HAAO: variants seen among roughly 807,000 people sequenced by gnomAD.
HAAO encodes 3-hydroxyanthranilate oxygenase.
In HAAO, 49 loss-of-function variants were observed where a neutral mutation model predicts 46.2. The observed-to-expected ratio is 1.06, with a 90% CI of 0.84 to 1.34. The LOEUF is 1.34. HAAO is among the 40% of genes most tolerant of loss of function. The pLI is 0.00. For missense variants in HAAO, 408 were observed against 364.5 expected, an observed-to-expected ratio of 1.12 and a Z score of -0.97; for synonymous variants, 157 against 145.2, an observed-to-expected ratio of 1.08 and a Z score of -0.58.
At chr2:42,789,669 G>A (rs1353176846) in intron 1 of HAAO, among the ~76,000 whole-genome samples, 1 of 152,190 alleles carries the variant, frequency 6.6e-6, no homozygotes, top group Non-Finnish European at 1.5e-5. Flanking sequence ...GACTGAACCT[G>A]AGCCAGGTCT....
chr2:42,790,826 C>G (rs1346271563), intron 1 of HAAO, among the ~76,000 whole-genome samples: 1 of 152,154 alleles, frequency 6.6e-6, no homozygotes, highest in Non-Finnish European at 1.5e-5. Flanking sequence ...GCCACTGCGC[C>G]CGGCTTGAAA....
chr2:42,774,697 A>C (rs923794247), intron 4 of HAAO, among the ~76,000 whole-genome samples: 3 of 152,148 alleles, frequency 2.0e-5, no homozygotes, highest in African/African-American at 4.8e-5. Flanking sequence ...TTTTGGCTAA[A>C]GTTAACAATC....
chr2:42,785,189 A>G (rs933951167), intron 2 of HAAO, among the ~76,000 whole-genome samples: 4 of 152,190 alleles, frequency 2.6e-5, no homozygotes, highest in East Asian at 1.9e-4. Flanking sequence ...TGCTTTACAC[A>G]TATGTGCTCA....
chr2:42,781,862 G>C (rs903304704), intron 4 of HAAO, among the ~76,000 whole-genome samples: 1 of 148,322 alleles, frequency 6.7e-6, no homozygotes, highest in Non-Finnish European at 1.5e-5. Context: ...CAACAAGAGT[G>C]AAACTTTGTC....
intron 4 of HAAO, among the ~76,000 whole-genome samples, chr2:42,779,279 T>A (rs1671814090): frequency 6.6e-6 from 1 of 152,176 alleles, no homozygotes; most frequent in African/African-American, 2.4e-5. Context: ...GGAAATTATA[T>A]CTTATGGTCA....
chr2:42,778,137 C>T (rs967246570), intron 4 of HAAO, among the ~76,000 whole-genome samples: 9 of 145,008 alleles, frequency 6.2e-5, no homozygotes, highest in Non-Finnish European at 1.2e-4. Flanking sequence ...AAAAAAAAAA[C>T]CCAAAAACTT....
At chr2:42,770,431 G>T in intron 5 of HAAO, 62 bp downstream of exon 5, 1 of 1,207,224 alleles carries the variant, frequency 8.3e-7, no homozygotes, top group Non-Finnish European at 1.2e-6. Context: ...TTCTCCCAGG[G>T]CATCAGGTGC....
At chr2:42,791,757 TG>T (rs1376347205) in intron 1 of HAAO, among the ~76,000 whole-genome samples, 1 of 152,126 alleles carries the variant, frequency 6.6e-6, no homozygotes, top group Non-Finnish European at 1.5e-5. Flanking sequence ...TTGATCTAGC[TG>T]GCATGTGGGG....
intron 2 of HAAO, among the ~76,000 whole-genome samples, chr2:42,787,631 T>A (rs189397417): frequency 6.6e-6 from 1 of 152,090 alleles, no homozygotes; most frequent in Non-Finnish European, 1.5e-5. Context: ...CAGCAAATAT[T>A]TATTGAACAA....
chr2:42,781,771 A>G (rs11896150), intron 4 of HAAO, among the ~76,000 whole-genome samples: 57,297 of 151,938 alleles, frequency 0.38, 11,939 homozygotes, highest in African/African-American at 0.53. Context: ...CTACTCAAGA[A>G]GTTAAGGCAG....
At chr2:42,783,889 T>A in intron 2 of HAAO, 22 bp from the exon 3 acceptor site, 1 of 1,597,016 alleles carries the variant, frequency 6.3e-7, no homozygotes, top group South Asian at 1.1e-5. Context: ...GAGAGAGGCT[T>A]GGACCCTCCG....
At chr2:42,782,278 T>C (rs1208047036) in intron 4 of HAAO, among the ~76,000 whole-genome samples, 1 of 152,222 alleles carries the variant, frequency 6.6e-6, no homozygotes, top group Non-Finnish European at 1.5e-5. Flanking sequence ...TAAGCCACTT[T>C]CATACTTGCC....
rs1368882960 is a variant in HAAO at position 42,769,606 on chromosome 2, AGT to A, written c.630+105_630+106del. On this transcript the variant is annotated intron_variant, in intron 7 of 9. Coordinates refer to ENST00000294973, the MANE Select transcript of HAAO (RefSeq NM_012205.3). Reference sequence around the variant, plus strand: ...GTGTGTGTGTGTGTGTGTGTGTGTGAGTGTGTGTGTGAAAGAGAGAGAGAGAG... The same window carrying A: ...GTGTGTGTGTGTGTGTGTGTGTGTGAGTGTGTGTGAAAGAGAGAGAGAGAG... The A allele has an allele frequency of 5.5e-5, 36 of 660,374 alleles. 1 individual carries two copies. The highest frequency in any genetic ancestry group is 2.9e-4 in the Middle Eastern group (1 of 3,452). 40.9% of individuals were successfully genotyped at this position (660,374 alleles called of 1,614,324 possible).
At chr2:42,791,944 G>C (rs1229489339) in intron 1 of HAAO, among the ~76,000 whole-genome samples, 1 of 151,764 alleles carries the variant, frequency 6.6e-6, no homozygotes, top group Non-Finnish European at 1.5e-5. Context: ...GTGTGTGTTC[G>C]TGCACACCTG....
chr2:42,773,747 C>T (rs1488615080), intron 4 of HAAO, among the ~76,000 whole-genome samples: 9 of 152,110 alleles, frequency 5.9e-5, no homozygotes, highest in Admixed American at 1.3e-4. Flanking sequence ...CCACCACGCC[C>T]GACTAATTTT....
chr2:42,790,553 G>T (rs1288262637), intron 1 of HAAO, among the ~76,000 whole-genome samples: 3 of 119,354 alleles, frequency 2.5e-5, no homozygotes, highest in African/African-American at 9.9e-5. Flanking sequence ...TTTTTTTTCA[G>T]ATAGAGTCTT....
At chr2:42,783,110 G>A in intron 4 of HAAO, 1 of 586,762 alleles carries the variant, frequency 1.7e-6, no homozygotes, top group Non-Finnish European at 3.0e-6. Flanking sequence ...GGGTCACAGA[G>A]AACAGAATCC....
chr2:42,770,334 C>T lies in HAAO; in HGVS notation c.441-148G>A, dbSNP rs146846679. The stretch of plus-strand genomic sequence containing the variant: ...CACAGCTGTGTGTCTGCCATCCTTT[C>T]CCTCCCAGCGGGGCTGCTGCTCCCC... On this transcript the variant is annotated intron_variant, in intron 5 of 9. Transcript: ENST00000294973. The T allele has an allele frequency of 7.9e-4, 688 of 872,752 alleles. 2 individuals carry two copies. In the African/African-American group the frequency reaches 9.2e-3, roughly 12 times the overall value. The allele number at this position is 872,752 out of a possible 1,614,324, so 54.1% of individuals were successfully genotyped here. A position where few individuals can be genotyped will look rare whatever the true frequency, so the allele number is the denominator to read the frequency against.
intron 4 of HAAO, among the ~76,000 whole-genome samples, chr2:42,773,789 T>C (rs916750814): frequency 6.6e-6 from 1 of 152,248 alleles, no homozygotes; most frequent in Non-Finnish European, 1.5e-5. Flanking sequence ...GGTTTCACCA[T>C]GTTAGCCAGG....
Sources: gnomAD v4.1 joint callset for allele counts (sites outside exome capture counted in the v4.1 genomes callset) on GRCh38, gnomAD v4.1.1 for gene constraint, MANE v1.5 for transcripts, NCBI Gene and HGNC (gene_info 2026-07-23, HGNC 2026-07-21) for gene names.